Variants in SGK3 observed in about 807,000 individuals in gnomAD.
SGK3 encodes the protein serum/glucocorticoid regulated kinase family member 3, also known as serine/threonine-protein kinase Sgk3.
Under a neutral mutation model 68.5 loss-of-function variants are expected in SGK3, and 47 were observed. That is an observed-to-expected ratio of 0.69 (90% CI 0.54 to 0.87). SGK3 has a LOEUF of 0.87. SGK3 is among the 40% of genes least tolerant of loss of function. The pLI is 0.00. For synonymous variants in SGK3, 181 were observed against 189.1 expected (o/e 0.96, Z 0.35); for missense variants, 479 against 575.5 (o/e 0.83, Z 1.72).
At chr8:66,850,610 G>A (rs1264681260) in intron 15 of SGK3, among the ~76,000 whole-genome samples, 1 of 152,212 alleles carries the variant, frequency 6.6e-6, no homozygotes, top group Non-Finnish European at 1.5e-5. Flanking sequence ...ACTGTGAAGA[G>A]AATACAACTT....
chr8:66,754,359 T>C (rs1035960414), intron 1 of SGK3, among the ~76,000 whole-genome samples: 1 of 152,172 alleles, frequency 6.6e-6, no homozygotes, highest in African/African-American at 2.4e-5. Flanking sequence ...TAATTAATGA[T>C]TGAGACAGGA....
chr8:66,819,489 T>C (rs1272244462), intron 5 of SGK3, among the ~76,000 whole-genome samples: 1 of 152,208 alleles, frequency 6.6e-6, no homozygotes. Context: ...GAAGAATCAT[T>C]GAGTAATTTT....
chr8:66,755,125 G>A (rs189806949), intron 1 of SGK3, among the ~76,000 whole-genome samples: 7 of 152,108 alleles, frequency 4.6e-5, no homozygotes, highest in Admixed American at 2.6e-4. Context: ...TGGGTGTGGT[G>A]CAGCACTCCT....
intron 3 of SGK3, among the ~76,000 whole-genome samples, chr8:66,799,919 T>G: frequency 6.6e-6 from 1 of 152,190 alleles, no homozygotes; most frequent in African/African-American, 2.4e-5. Context: ...CCACTGCCCT[T>G]GGCCTCAAAT....
At chr8:66,744,838 G>A (rs1323160442) in intron 1 of SGK3, among the ~76,000 whole-genome samples, 1 of 150,318 alleles carries the variant, frequency 6.7e-6, no homozygotes, top group Non-Finnish European at 1.5e-5. Flanking sequence ...GATTAGTTGT[G>A]TGTGGGACCT....
chr8:66,845,779 A>G (rs1450355897), intron 14 of SGK3, among the ~76,000 whole-genome samples: 1 of 151,530 alleles, frequency 6.6e-6, no homozygotes, highest in East Asian at 1.9e-4. Flanking sequence ...GCTGGTCTCA[A>G]ACTCCTGAGC....
chr8:66,772,456 A>G (rs113083824), intron 1 of SGK3, among the ~76,000 whole-genome samples: 19,433 of 150,320 alleles, frequency 0.13, 2,380 homozygotes, highest in African/African-American at 0.32. Flanking sequence ...GTGCAGTGGC[A>G]TAATCTTGGC....
intron 1 of SGK3, among the ~76,000 whole-genome samples, chr8:66,721,203 C>T (rs879604739): frequency 1.2e-4 from 18 of 152,196 alleles, no homozygotes; most frequent in African/African-American, 3.1e-4. Flanking sequence ...CAGATAGCAT[C>T]GGTCTGTGCT....
intron 5 of SGK3, among the ~76,000 whole-genome samples, chr8:66,815,829 G>A (rs1483165421): frequency 6.6e-6 from 1 of 152,076 alleles, no homozygotes; most frequent in South Asian, 2.1e-4. Flanking sequence ...TAAACTAAAA[G>A]CAATTGGATT....
intron 16 of SGK3, among the ~76,000 whole-genome samples, chr8:66,855,747 T>G (rs1408416712): frequency 6.6e-6 from 1 of 152,112 alleles, no homozygotes; most frequent in Non-Finnish European, 1.5e-5. Context: ...TGAAAAGAAG[T>G]TCATACTGAC....
intron 1 of SGK3, among the ~76,000 whole-genome samples, chr8:66,715,772 A>G (rs1804615705): frequency 6.6e-6 from 1 of 152,158 alleles, no homozygotes; most frequent in Admixed American, 6.5e-5. Flanking sequence ...TTCCAGGTGG[A>G]TAACCTTCAA....
At chr8:66,845,840 G>A (rs1184082791) in intron 14 of SGK3, among the ~76,000 whole-genome samples, 6 of 151,968 alleles carry the variant, frequency 3.9e-5, no homozygotes, top group Non-Finnish European at 8.8e-5. Context: ...TTTCCAGTGT[G>A]AGCCACTGTG....
chr8:66,820,177 A>C (rs1326584102), intron 5 of SGK3, among the ~76,000 whole-genome samples: 1 of 152,040 alleles, frequency 6.6e-6, no homozygotes, highest in East Asian at 1.9e-4. Context: ...ATCACCCCAA[A>C]GCTAATCTAA....
intron 1 of SGK3, among the ~76,000 whole-genome samples, chr8:66,751,037 C>A (rs764349698): frequency 6.6e-6 from 1 of 150,678 alleles, no homozygotes; most frequent in African/African-American, 2.4e-5. Context: ...CGGTGGCTTA[C>A]GCCTGTAATC....
chr8:66,859,327 C>G (rs1585827349), intron 16 of SGK3, 84 bp from the exon 17 acceptor site: 7 of 1,370,192 alleles, frequency 5.1e-6, no homozygotes, highest in Non-Finnish European at 3.8e-6. Context: ...GTGTGAGACT[C>G]TGTCTCAAAT....
At chr8:66,808,738 C>T (rs1290488795) in intron 4 of SGK3, among the ~76,000 whole-genome samples, 1 of 151,906 alleles carries the variant, frequency 6.6e-6, no homozygotes, top group East Asian at 1.9e-4. Context: ...TCTCGAACTC[C>T]TGACCTCAGG....
intron 1 of SGK3, among the ~76,000 whole-genome samples, chr8:66,713,174 G>A (rs116790581): frequency 0.026 from 4,003 of 152,306 alleles, 188 homozygotes; most frequent in African/African-American, 0.09. Context: ...TGCGAGGGTC[G>A]GGGAGGGGGC....
intron 1 of SGK3, among the ~76,000 whole-genome samples, chr8:66,714,778 C>T (rs1457072601): frequency 2.0e-5 from 3 of 152,130 alleles, no homozygotes; most frequent in Non-Finnish European, 4.4e-5. Context: ...CTCTTAATTA[C>T]TTTTTATTAC....
At chr8:66,834,045 A>T (rs1809408484) in intron 8 of SGK3, among the ~76,000 whole-genome samples, 1 of 152,198 alleles carries the variant, frequency 6.6e-6, no homozygotes, top group Non-Finnish European at 1.5e-5. Context: ...GAAGCTGAAT[A>T]TATGCGTTAC....
Sources: gnomAD v4.1 joint callset for allele counts (sites outside exome capture counted in the v4.1 genomes callset) on GRCh38, gnomAD v4.1.1 for gene constraint, MANE v1.5 for transcripts, NCBI Gene and HGNC (gene_info 2026-07-23, HGNC 2026-07-21) for gene names.